Variants in ERAP1 observed in about 807,000 individuals in gnomAD.
ERAP1 encodes the protein adipocyte-derived leucine aminopeptidase.
ERAP1 carries 86 observed loss-of-function variants against 103.7 expected under a neutral mutation model. That is an observed-to-expected ratio of 0.83 (90% CI 0.70 to 0.99). The LOEUF (loss-of-function observed/expected upper bound fraction) is 0.99, where lower values mean the gene tolerates loss of function less well. Among genes scored for constraint, ERAP1 ranks in the 50% least tolerant of loss-of-function variants. ERAP1 has a pLI of 0.00. For synonymous variants in ERAP1, 398 were observed against 402.4 expected (o/e 0.99, Z 0.13); for missense variants, 1,009 against 1,128.4 (o/e 0.89, Z 1.52).
the ERAP1 span, among the ~76,000 whole-genome samples, chr5:96,869,823 C>T: frequency 6.6e-6 from 1 of 152,146 alleles, no homozygotes; most frequent in African/African-American, 2.4e-5. Flanking sequence ...CCCAGAAAAA[C>T]CTTTTTGGAG....
At chr5:96,820,924 T>A in the ERAP1 span, among the ~76,000 whole-genome samples, 6 of 151,092 alleles carry the variant, frequency 4.0e-5, no homozygotes, top group South Asian at 1.3e-3. Flanking sequence ...ATCAGGGTTC[T>A]CCAGAGAAAT....
the ERAP1 span, among the ~76,000 whole-genome samples, chr5:96,925,416 C>G: frequency 6.6e-6 from 1 of 152,194 alleles, no homozygotes; most frequent in Non-Finnish European, 1.5e-5. Flanking sequence ...AGGGCCCAGG[C>G]TCTCACCTCA....
At chr5:96,869,576 A>C in the ERAP1 span, among the ~76,000 whole-genome samples, 1 of 152,236 alleles carries the variant, frequency 6.6e-6, no homozygotes, top group Non-Finnish European at 1.5e-5. Flanking sequence ...GTCTGGAACA[A>C]AGGGCTTGGG....
chr5:96,792,022 A>C, intron 8 of ERAP1, 39 bp downstream of exon 8: 1 of 1,609,640 alleles, frequency 6.2e-7, no homozygotes, highest in Non-Finnish European at 8.5e-7. Flanking sequence ...GTATAACTTT[A>C]GTATCTAAAC....
At chr5:96,823,336 C>T in the ERAP1 span, among the ~76,000 whole-genome samples, 2 of 152,122 alleles carry the variant, frequency 1.3e-5, no homozygotes, top group African/African-American at 2.4e-5. Context: ...GCCTGTCTAT[C>T]ACAGGTACCA....
At chr5:96,832,884 A>G in the ERAP1 span, among the ~76,000 whole-genome samples, 71 of 152,294 alleles carry the variant, frequency 4.7e-4, no homozygotes, top group Non-Finnish European at 8.7e-4. Flanking sequence ...TTAGCACCCA[A>G]TGTGATGATA....
At chr5:96,801,941 AAAG>A (rs1359396410) in intron 2 of ERAP1, among the ~76,000 whole-genome samples, 1 of 152,008 alleles carries the variant, frequency 6.6e-6, no homozygotes, top group Non-Finnish European at 1.5e-5. Context: ...GCAATTCATA[AAAG>A]AAGAACCTAT....
At chr5:96,931,876 C>T in the ERAP1 span, among the ~76,000 whole-genome samples, 45 of 152,226 alleles carry the variant, frequency 3.0e-4, no homozygotes, top group African/African-American at 1.1e-3. Context: ...GGCTGGTGAG[C>T]TGTGATTGAA....
At chr5:96,786,677 C>G (rs912299992) in intron 11 of ERAP1, 128 bp from the exon 12 acceptor site, 1 of 664,632 alleles carries the variant, frequency 1.5e-6, no homozygotes, top group African/African-American at 1.8e-5. Flanking sequence ...TACAGCCAAG[C>G]TCTCAAAACA....
downstream of ERAP1, chr5:96,770,373 C>A (rs1038648715): frequency 1.4e-5 from 8 of 585,066 alleles, no homozygotes; most frequent in Non-Finnish European, 2.5e-5. Flanking sequence ...TTCTCTGACA[C>A]CGTTGTTCAA....
chr5:96,827,160 T>C, the ERAP1 span, among the ~76,000 whole-genome samples: 2 of 152,214 alleles, frequency 1.3e-5, no homozygotes, highest in Admixed American at 1.3e-4. Context: ...AGCAGATCTT[T>C]CCTGCTTTTT....
At chr5:96,801,867 A>AAAAG (rs1778043135) in intron 2 of ERAP1, among the ~76,000 whole-genome samples, 1 of 150,732 alleles carries the variant, frequency 6.6e-6, no homozygotes, top group African/African-American at 2.4e-5. Flanking sequence ...AAAAAAAAAA[A>AAAAG]AAAAAAAAAA....
downstream of ERAP1, chr5:96,770,345 C>T: frequency 3.6e-6 from 2 of 548,328 alleles, no homozygotes; most frequent in Non-Finnish European, 6.6e-6. Context: ...TATCCTTTTT[C>T]CCTCCTGCTT....
At chr5:96,887,104 C>CAT in the ERAP1 span, among the ~76,000 whole-genome samples, 172 of 29,144 alleles carry the variant, frequency 5.9e-3, no homozygotes, top group Non-Finnish European at 0.014. Context: ...TATATATACA[C>CAT]ACACACACAC....
intron 13 of ERAP1, chr5:96,785,191 A>G (rs2150925138): frequency 6.9e-6 from 1 of 145,686 alleles, no homozygotes; most frequent in East Asian, 1.9e-4. Context: ...AACCATTGTC[A>G]TGGGGGAGGA....
At chr5:96,906,260 CTCTTCT>C in the ERAP1 span, among the ~76,000 whole-genome samples, 1 of 151,484 alleles carries the variant, frequency 6.6e-6, no homozygotes, top group South Asian at 2.1e-4. Flanking sequence ...CTACTTCTTC[CTCTTCT>C]TCTTCTTCAA....
At chr5:96,912,905 G>A in the ERAP1 span, 2 of 846,290 alleles carry the variant, frequency 2.4e-6, no homozygotes, top group African/African-American at 3.5e-5. Flanking sequence ...AATTGAATCA[G>A]AATGTGTATG....
the ERAP1 span, among the ~76,000 whole-genome samples, chr5:96,875,318 T>A: frequency 6.6e-6 from 1 of 152,108 alleles, no homozygotes; most frequent in South Asian, 2.1e-4. Context: ...AAGGATCACT[T>A]GAGCCTAGGA....
At chr5:96,842,872 A>AT in the ERAP1 span, among the ~76,000 whole-genome samples, 3 of 151,890 alleles carry the variant, frequency 2.0e-5, no homozygotes, top group South Asian at 4.2e-4. Flanking sequence ...GTCTAGAAGG[A>AT]TTTTTTTTCC....
Sources: gnomAD v4.1 joint callset for allele counts (sites outside exome capture counted in the v4.1 genomes callset) on GRCh38, gnomAD v4.1.1 for gene constraint, MANE v1.5 for transcripts, NCBI Gene and HGNC (gene_info 2026-07-23, HGNC 2026-07-21) for gene names.